RNF180: variants seen among roughly 807,000 people sequenced by gnomAD.
The protein encoded by RNF180 is E3 ubiquitin-protein ligase RNF180.
A neutral mutation model predicts 59.2 loss-of-function variants in RNF180; 38 were observed. That is an observed-to-expected ratio of 0.64 (90% CI 0.50 to 0.84). RNF180 has a LOEUF of 0.84. Among genes scored for constraint, RNF180 ranks in the 40% least tolerant of loss-of-function variants. The probability of loss-of-function intolerance (pLI) is 0.00; values close to 1 mark genes in which losing one functional copy is unlikely to be tolerated. For synonymous variants in RNF180, 262 were observed against 240.3 expected (o/e 1.09, Z -0.84); for missense variants, 705 against 700.9 (o/e 1.01, Z -0.07).
intron 1 of RNF180, among the ~76,000 whole-genome samples, chr5:64,181,724 A>G (rs1399300770): frequency 6.6e-6 from 1 of 152,208 alleles, no homozygotes; most frequent in East Asian, 1.9e-4. Flanking sequence ...GTGTACGAAG[A>G]AAAATAAAGC....
intron 1 of RNF180, among the ~76,000 whole-genome samples, chr5:64,191,517 T>C (rs1164868745): frequency 6.6e-6 from 1 of 152,210 alleles, no homozygotes; most frequent in Non-Finnish European, 1.5e-5. Flanking sequence ...AAAGCACTAA[T>C]TGGAAATTGT....
intron 1 of RNF180, among the ~76,000 whole-genome samples, chr5:64,191,590 A>G (rs1301874347): frequency 6.6e-6 from 1 of 152,212 alleles, no homozygotes; most frequent in Non-Finnish European, 1.5e-5. Flanking sequence ...ATGAAATACA[A>G]ACATATTTTT....
chr5:64,340,947 C>T (rs1745333152), intron 7 of RNF180, among the ~76,000 whole-genome samples: 1 of 152,098 alleles, frequency 6.6e-6, no homozygotes, highest in Non-Finnish European at 1.5e-5. Context: ...CCTTCCCTCT[C>T]CCTTTACCTA....
intron 1 of RNF180, among the ~76,000 whole-genome samples, chr5:64,183,746 T>C (rs1316202669): frequency 6.6e-6 from 1 of 152,124 alleles, no homozygotes; most frequent in African/African-American, 2.4e-5. Flanking sequence ...CTGTTCCCAG[T>C]CAAAAAGTAT....
In RNF180 at chr5:64,200,835, A is replaced by G; in HGVS notation, c.28A>G (p.Lys10Glu). Residue 10 changes from lysine to glutamate, a missense_variant, in exon 2 of 8, where the codon AAA (lysine) becomes GAA (glutamate). Transcript: ENST00000389100. The stretch of plus-strand genomic sequence containing the variant: ...GAAAAGAAGCAAAGAATTGATAACT[A>G]AAAATCATAGTCAAGAGGAAACAAG... MKRSKELITKNHSQEETSIL... is the reference protein window; with the variant it reads MKRSKELITENHSQEETSIL... The G allele has an allele frequency of 6.2e-7, 1 of 1,612,166 alleles. No individual in the cohort carries two copies.
In RNF180 at chr5:64,200,860, G is replaced by C; in HGVS notation, c.53G>C (p.Ser18Thr). ...AAAAATCATAGTCAAGAGGAAACAAGTATTCTTCGTTGTTGGAAATGTAGA... is the reference window on the plus strand; with the variant it reads ...AAAAATCATAGTCAAGAGGAAACAACTATTCTTCGTTGTTGGAAATGTAGA... ...ITKNHSQEET[S>T]ILRCWKCRKC... is the part of the protein sequence containing the mutation. The change falls in exon 2 of 8, where the codon AGT (serine) becomes ACT (threonine). Residue 18 changes from serine (S) to threonine (T), a missense_variant. By Grantham distance (58) the Ser-to-Thr change is moderately conservative (BLOSUM62 1). Transcript: ENST00000389100. The C allele has an allele frequency of 1.2e-6, 2 of 1,611,086 alleles. No homozygotes were observed. Among genetic ancestry groups the C allele is most frequent in the Non-Finnish European group, 1.7e-6 (2 of 1,177,306 alleles).
At chr5:64,179,667 G>A (rs1198905671) in intron 1 of RNF180, among the ~76,000 whole-genome samples, 1 of 151,926 alleles carries the variant, frequency 6.6e-6, no homozygotes, top group Non-Finnish European at 1.5e-5. Flanking sequence ...ATGCACATTT[G>A]GGTTGTTTCC....
chr5:64,214,588 T>G lies in RNF180; in HGVS notation c.1191+71T>G, dbSNP rs991357053. On this transcript the variant is annotated intron_variant, in intron 4 of 7. Coordinates refer to ENST00000389100, the MANE Select transcript of RNF180 (RefSeq NM_001113561.2). ...CTGGAGTTTGGGGAGTGGAGCTAAC[T>G]TTCAACATCTGTATAATAAAAACTT... The G allele has an allele frequency of 4.5e-6, 6 of 1,341,088 alleles. No homozygotes were observed. In the Admixed American group the frequency reaches 1.3e-4, roughly 29 times the overall value. The allele number at this position is 1,341,088 out of a possible 1,614,324, so 83.1% of individuals were successfully genotyped here. A position where few individuals can be genotyped will look rare whatever the true frequency, so the allele number is the denominator to read the frequency against.
At chr5:64,240,999 C>T (rs1265869671) in intron 5 of RNF180, among the ~76,000 whole-genome samples, 1 of 152,152 alleles carries the variant, frequency 6.6e-6, no homozygotes, top group African/African-American at 2.4e-5. Context: ...GTTGTATTTA[C>T]TACTGTACAA....
Position 64,214,471 on chromosome 5 carries a change from A to C in RNF180, c.1145A>C (p.Asn382Thr). ...AAGAGAGAAAGGAGCAAGTTGAAGAATCTAAGAAGGAAACAACGAAGGCGT... is the reference window on the plus strand; with the variant it reads ...AAGAGAGAAAGGAGCAAGTTGAAGACTCTAAGAAGGAAACAACGAAGGCGT... ...LNKRERSKLKNLRRKQRRRER... is the reference protein window; with the variant it reads ...LNKRERSKLKTLRRKQRRRER... Residue 382 changes from asparagine (N) to threonine (T), a missense_variant, in exon 4 of 8, where the codon AAT becomes ACT. Asn to Thr is a moderately conservative substitution (Grantham distance 65). Coordinates refer to ENST00000389100, the MANE Select transcript of RNF180 (RefSeq NM_001113561.2). 6.2e-7 allele frequency: 1 copy of C among 1,613,986 alleles called. No individual in the cohort carries two copies. The highest frequency in any genetic ancestry group is 1.7e-5 in the Admixed American group (1 of 59,984).
intron 5 of RNF180, among the ~76,000 whole-genome samples, chr5:64,312,942 T>C (rs1743846697): frequency 6.6e-6 from 1 of 152,124 alleles, no homozygotes; most frequent in African/African-American, 2.4e-5. Context: ...AATGGTACTA[T>C]ATCTGGGTGT....
intron 5 of RNF180, among the ~76,000 whole-genome samples, chr5:64,261,075 TTTA>T (rs1014555392): frequency 6.6e-6 from 1 of 152,150 alleles, no homozygotes; most frequent in Admixed American, 6.6e-5. Flanking sequence ...GTCATACAGA[TTTA>T]TTTAAGCACA....
intron 5 of RNF180, among the ~76,000 whole-genome samples, chr5:64,225,760 G>T (rs1741690999): frequency 7.6e-6 from 1 of 132,342 alleles, no homozygotes; most frequent in African/African-American, 2.9e-5. Context: ...CTTCGTCTGA[G>T]ATGTGAGGAG....
chr5:64,303,682 T>C lies in RNF180; in HGVS notation c.1228-21504T>C, dbSNP rs116411128. The stretch of plus-strand genomic sequence containing the variant: ...AAGAAAAGTGTGAAGCTAGCAGAGA[T>C]GGGTTCATGAGGTTTAAGGAAAGAA... On this transcript the variant is annotated intron_variant, in intron 5 of 7. Coordinates refer to ENST00000389100, the MANE Select transcript of RNF180 (RefSeq NM_001113561.2). Among the ~76,000 whole-genome samples, 625 of 151,688 alleles carry C rather than the reference T, an allele frequency of 4.1e-3. 3 individuals are homozygous for C. The highest frequency in any genetic ancestry group is 0.015 in the African/African-American group (607 of 41,468).
At chr5:64,217,456 AT>A in intron 5 of RNF180, 60 bp downstream of exon 5, 2 of 1,329,012 alleles carry the variant, frequency 1.5e-6, no homozygotes, top group South Asian at 2.3e-5. Flanking sequence ...TGGCTGTACC[AT>A]TTTGCATTCC....
At chr5:64,204,727 A>T (rs960436057) in intron 2 of RNF180, among the ~76,000 whole-genome samples, 1 of 152,142 alleles carries the variant, frequency 6.6e-6, no homozygotes, top group Non-Finnish European at 1.5e-5. Flanking sequence ...AAGAAAATCT[A>T]TATTGTGAGG....
intron 6 of RNF180, among the ~76,000 whole-genome samples, chr5:64,326,944 T>C (rs765133075): frequency 7.9e-5 from 12 of 152,184 alleles, no homozygotes; most frequent in Non-Finnish European, 1.2e-4. Context: ...TGGACTTTTC[T>C]ATGTTGGAAT....
At chr5:64,310,114 C>T (rs889316574) in intron 5 of RNF180, among the ~76,000 whole-genome samples, 4 of 151,560 alleles carry the variant, frequency 2.6e-5, no homozygotes, top group Non-Finnish European at 4.4e-5. Context: ...AACCACTAGT[C>T]GGTATCATTC....
At chr5:64,347,471 A>G (rs888033025) in intron 7 of RNF180, among the ~76,000 whole-genome samples, 1 of 152,144 alleles carries the variant, frequency 6.6e-6, no homozygotes, top group Non-Finnish European at 1.5e-5. Context: ...GGAGTATGTT[A>G]ATGATCAGAA....
Sources: allele counts gnomAD v4.1 joint callset (sites outside exome capture counted in the v4.1 genomes callset), GRCh38; gene constraint gnomAD v4.1.1; transcripts MANE v1.5; gene names NCBI Gene and HGNC (gene_info 2026-07-23, HGNC 2026-07-21).